Variants in ZNF524 observed in about 807,000 individuals in gnomAD.
ZNF524 encodes zinc finger protein 524.
For missense variants in ZNF524, 388 were observed against 380.1 expected (o/e 1.02, Z -0.17); for synonymous variants, 194 against 166.3 (o/e 1.17, Z -1.28).
chr19:55,602,061 CT>C lies in ZNF524; in HGVS notation c.-38-13del. ...GACCCTGTGAGCACTGACTCTGCCC[CT>C]CTCTCCTCTTAGCTGGCTCCAGTGC... On this transcript the variant is annotated splice_polypyrimidine_tract_variant and intron_variant, in intron 1 of 1. Transcript: ENST00000301073. 1.3e-6 allele frequency: 2 copies of C among 1,495,738 alleles called. No individual in the cohort carries two copies. The highest frequency in any genetic ancestry group is 1.8e-6 in the Non-Finnish European group (2 of 1,116,918). The allele number at this position is 1,495,738 out of a possible 1,614,324, so 92.7% of individuals were successfully genotyped here. A position where few individuals can be genotyped will look rare whatever the true frequency, so the allele number is the denominator to read the frequency against.
At position 55,602,098 on chromosome 19, in the gene ZNF524, G is replaced by GC. The variant is rs1246899992; in HGVS notation, c.-9dup. 2 of 1,518,294 alleles carry GC rather than the reference G, an allele frequency of 1.3e-6. No individual in the cohort carries two copies. 94.1% of individuals were successfully genotyped at this position (1,518,294 alleles called of 1,614,324 possible). A position where few individuals can be genotyped will look rare whatever the true frequency, so the allele number is the denominator to read the frequency against. Reference sequence around the variant, plus strand: ...AGCTGGCTCCAGTGCCCAGACCCAAGCCCCCCACTGCTCAATGGACACCCC... The same window carrying GC: ...AGCTGGCTCCAGTGCCCAGACCCAAGCCCCCCCACTGCTCAATGGACACCCC... On this transcript the variant is annotated 5_prime_UTR_variant, in exon 2 of 2. Transcript: ENST00000301073.
At chr19:55,601,810 T>G (rs1237649778) in intron 1 of ZNF524, 4 of 271,254 alleles carry the variant, frequency 1.5e-5, no homozygotes, top group Non-Finnish European at 2.7e-5. Flanking sequence ...GGGGTGTTGC[T>G]CATGTTGATC....
Position 55,602,235 on chromosome 19 carries a change from C to T in ZNF524, c.123C>T (p.Ser41=). The change falls in exon 2 of 2, where the codon TCC becomes TCT. Residue 41 remains serine (S), a synonymous_variant. Coordinates refer to ENST00000301073, the MANE Select transcript of ZNF524 (RefSeq NM_153219.4). ...GCCGTCGTCCTGGGGGAGCCACCTCCTCAAATCGGACACTCAAGGCCTCCC... is the reference window on the plus strand; with the variant it reads ...GCCGTCGTCCTGGGGGAGCCACCTCTTCAAATCGGACACTCAAGGCCTCCC... The part of the protein sequence containing the change: ...RRGRRPGGAT[S]SNRTLKASLP... 6.2e-7 allele frequency: 1 copy of T among 1,612,212 alleles called. No individual in the cohort carries two copies. The highest frequency in any genetic ancestry group is 8.5e-7 in the Non-Finnish European group (1 of 1,179,438).
rs968105835 is a variant in ZNF524, at chr19:55,602,055, C to T, written c.-38-20C>T. 2.7e-6 allele frequency: 4 copies of T among 1,481,268 alleles called. No homozygotes were observed. Among genetic ancestry groups the T allele is most frequent in the South Asian group, 2.7e-5 (2 of 73,476 alleles). 91.8% of individuals were successfully genotyped at this position (1,481,268 alleles called of 1,614,324 possible). ...GCTCTAGACCCTGTGAGCACTGACT[C>T]TGCCCCTCTCTCCTCTTAGCTGGCT... is the stretch of plus-strand genomic sequence containing the variant. On this transcript the variant is annotated intron_variant, in intron 1 of 1. Coordinates refer to ENST00000301073, the MANE Select transcript of ZNF524 (RefSeq NM_153219.4).
upstream of ZNF524, chr19:55,600,278 A>G (rs970655669): frequency 1.6e-4 from 24 of 147,846 alleles, no homozygotes; most frequent in African/African-American, 5.7e-4. Flanking sequence ...CGGGGCCGGC[A>G]CCGCGCGCCG....
chr19:55,602,580 C>T lies in ZNF524; in HGVS notation c.468C>T (p.His156=). Residue 156 remains histidine (H), a synonymous_variant, in exon 2 of 2, where the codon CAC becomes CAT. Transcript: ENST00000301073. ...GCAAGACCTTCAAGCGCTCCAGCCA[C>T]CTGCGGCGGCACTGCAACATCCATG... ...VCGKTFKRSS[H]LRRHCNIHAG... The T allele has an allele frequency of 6.3e-7, 1 of 1,585,442 alleles. No homozygotes were observed. Among genetic ancestry groups the T allele is most frequent in the Non-Finnish European group, 8.5e-7 (1 of 1,172,142 alleles).
Position 55,603,122 on chromosome 19 carries a change from A to C in ZNF524, c.*215A>C. On this transcript the variant is annotated 3_prime_UTR_variant, in exon 2 of 2. Coordinates refer to ENST00000301073, the MANE Select transcript of ZNF524 (RefSeq NM_153219.4). ...CTTGGAGGCAGGGGCTGTGGAAATA[A>C]ATCTCTGCCTGCTGGCTGCCTGTGT... The C allele has an allele frequency of 1.7e-6, 1 of 593,292 alleles. No individual in the cohort carries two copies. Among genetic ancestry groups the C allele is most frequent in the Non-Finnish European group, 3.0e-6 (1 of 334,192 alleles). 36.8% of individuals were successfully genotyped at this position (593,292 alleles called of 1,614,324 possible).
chr19:55,600,184 C>A (rs970775185), upstream of ZNF524: 1 of 151,982 alleles, frequency 6.6e-6, no homozygotes, highest in Non-Finnish European at 1.5e-5. Context: ...GTCGTTAGGA[C>A]CCAGCGAGTC....
upstream of ZNF524, chr19:55,600,172 C>A (rs1344254751): frequency 1.3e-5 from 2 of 151,936 alleles, no homozygotes; most frequent in Non-Finnish European, 2.9e-5. Flanking sequence ...TGGCCGCGAC[C>A]GGTCGTTAGG....
chr19:55,602,132 A>G lies in ZNF524; in HGVS notation c.20A>G (p.Asp7Gly). 6.4e-7 allele frequency: 1 copy of G among 1,550,856 alleles called. No individual in the cohort carries two copies. Among genetic ancestry groups the G allele is most frequent in the African/African-American group, 1.4e-5 (1 of 73,136 alleles). The stretch of plus-strand genomic sequence containing the variant: ...TGCTCAATGGACACCCCCAGCCCAG[A>G]CCCGTTGCCTTCGCCTTTGCCCGGG... MDTPSP[D>G]PLPSPLPGEE... The change falls in exon 2 of 2, where the codon GAC becomes GGC. Residue 7 changes from aspartate to glycine, a missense_variant. Transcript: ENST00000301073.
chr19:55,603,125 C>A lies in ZNF524; in HGVS notation c.*218C>A, dbSNP rs556540603. 604 of 598,036 alleles carry A rather than the reference C, an allele frequency of 1.0e-3. 4 individuals carry two copies. Among genetic ancestry groups the A allele is most frequent in the Middle Eastern group, 9.7e-3 (21 of 2,162 alleles). 37.0% of individuals were successfully genotyped at this position (598,036 alleles called of 1,614,324 possible). On this transcript the variant is annotated 3_prime_UTR_variant, in exon 2 of 2. Coordinates refer to ENST00000301073, the MANE Select transcript of ZNF524 (RefSeq NM_153219.4). Reference sequence around the variant, plus strand: ...GGAGGCAGGGGCTGTGGAAATAAATCTCTGCCTGCTGGCTGCCTGTGTGTG... The same window carrying A: ...GGAGGCAGGGGCTGTGGAAATAAATATCTGCCTGCTGGCTGCCTGTGTGTG...
Position 55,602,702 on chromosome 19 carries a change from C to G in ZNF524, c.590C>G (p.Pro197Arg). 3.1e-6 allele frequency: 5 copies of G among 1,602,384 alleles called. No homozygotes were observed. Among genetic ancestry groups the G allele is most frequent in the South Asian group, 1.1e-5 (1 of 90,864 alleles). The change falls in exon 2 of 2, where the codon CCG (proline) becomes CGG (arginine). Residue 197 changes from proline (P) to arginine (R), a missense_variant. Transcript: ENST00000301073. Reference protein sequence around the residue: ...HHHRVHSGERPYQCPICRLRF... With the variant: ...HHHRVHSGERRYQCPICRLRF... ...CACCGCGTGCACTCGGGGGAGCGCC[C>G]GTACCAGTGCCCCATCTGCCGGCTG...
chr19:55,602,370 G>T lies in ZNF524; in HGVS notation c.258G>T (p.Leu86=). ...GCAGTGGCGGGAGCGACCTCCTCCT[G>T]ATCGATGATCAGGGTGTGCCCTATA... ...VGSSGGSDLL[L]IDDQGVPYTV... is the part of the protein sequence containing the mutation. Residue 86 remains leucine (L), a synonymous_variant, in exon 2 of 2, where the codon CTG becomes CTT. Coordinates refer to ENST00000301073, the MANE Select transcript of ZNF524 (RefSeq NM_153219.4). 1 of 1,563,342 alleles carries T rather than the reference G, an allele frequency of 6.4e-7. No homozygotes were observed.
rs1568522127 is a variant in ZNF524 at position 55,602,885 on chromosome 19, A to AG, written c.777dup (p.Lys260GlufsTer19). ...GGGGCCGAGGAGGAGGAGGAGACAG[A>AG]GGGGAAAGGGGAGCCGGCCTGACCC... On this transcript the variant is annotated frameshift_variant, in exon 2 of 2. Transcript: ENST00000301073. LOFTEE classifies it high-confidence loss of function. 2 of 1,583,236 alleles carry AG rather than the reference A, an allele frequency of 1.3e-6. No homozygotes were observed. Among genetic ancestry groups the AG allele is most frequent in the South Asian group, 2.3e-5 (2 of 87,544 alleles).
In ZNF524 at chr19:55,602,207, G is replaced by A; in HGVS notation, c.95G>A (p.Arg32Gln). Residue 32 changes from arginine to glutamine, a missense_variant, in exon 2 of 2, where the codon CGA (arginine) becomes CAA (glutamine). Transcript: ENST00000301073. ...TCTCCTCCTGTTCCCCGGGGCCGCCGAGGCCGTCGTCCTGGGGGAGCCACC... is the reference window on the plus strand; with the variant it reads ...TCTCCTCCTGTTCCCCGGGGCCGCCAAGGCCGTCGTCCTGGGGGAGCCACC... ...ALSPPVPRGR[R>Q]GRRPGGATSS... 1 of 1,612,480 alleles carries A rather than the reference G, an allele frequency of 6.2e-7. No individual in the cohort carries two copies. The highest frequency in any genetic ancestry group is 8.5e-7 in the Non-Finnish European group (1 of 1,179,470).
In ZNF524 at chr19:55,602,179, T is replaced by C. The variant is rs1042879146; in HGVS notation, c.67T>C (p.Leu23=). The change falls in exon 2 of 2, where the codon TTA becomes CTA. Residue 23 remains leucine (L), a synonymous_variant. Coordinates refer to ENST00000301073, the MANE Select transcript of ZNF524 (RefSeq NM_153219.4). ...LPGEEEKPLA[L]SPPVPRGRRG... is the part of the protein sequence containing the mutation. ...CGGGGAGGAAGAGAAACCTCTGGCC[T>C]TATCTCCTCCTGTTCCCCGGGGCCG... 3.7e-6 allele frequency: 6 copies of C among 1,606,134 alleles called. No homozygotes were observed. Among genetic ancestry groups the C allele is most frequent in the Non-Finnish European group, 5.1e-6 (6 of 1,176,028 alleles).
Position 55,602,447 on chromosome 19 carries a change from C to T in ZNF524, c.335C>T (p.Ala112Val), listed in dbSNP as rs769617389. 5.0e-6 allele frequency: 8 copies of T among 1,595,648 alleles called. No homozygotes were observed. The highest frequency in any genetic ancestry group is 6.8e-6 in the Non-Finnish European group (8 of 1,174,818). Residue 112 changes from alanine to valine, a missense_variant, in exon 2 of 2, where the codon GCC becomes GTC. By Grantham distance (64) the Ala-to-Val change is moderately conservative. Coordinates refer to ENST00000301073, the MANE Select transcript of ZNF524 (RefSeq NM_153219.4). ...CCTGAGGGCTCTGGCCCCAGGAAGG[C>T]CCCACACTTCTGCCCGGTGTGCCTG... ...AGPEGSGPRK[A>V]PHFCPVCLRA...
upstream of ZNF524, chr19:55,600,284 C>T (rs1330237077): frequency 6.7e-6 from 1 of 149,700 alleles, no homozygotes; most frequent in African/African-American, 2.4e-5. Context: ...CGGCACCGCG[C>T]GCCGCCGCCC....
At chr19:55,602,035 A>T in intron 1 of ZNF524, 40 bp from the exon 2 acceptor site, 1 of 1,367,704 alleles carries the variant, frequency 7.3e-7, no homozygotes, top group Non-Finnish European at 1.0e-6. Context: ...GGGGTGCTCT[A>T]GACCCTGTGA....
Sources: gnomAD v4.1 joint callset for allele counts on GRCh38, gnomAD v4.1.1 for gene constraint, MANE v1.5 for transcripts, NCBI Gene and HGNC (gene_info 2026-07-23, HGNC 2026-07-21) for gene names.